The following NEDD9 variants were observed in gnomAD, a reference collection of about 807,000 sequenced individuals.
NEDD9 encodes the protein neural precursor cell expressed, developmentally down-regulated 9.
In NEDD9, 26 loss-of-function variants were observed where a neutral mutation model predicts 76.6. The ratio of observed to expected loss-of-function variants is 0.34; its 90% CI spans 0.25 to 0.47. NEDD9 has a LOEUF of 0.47. Ranked by LOEUF, NEDD9 falls within the 20% of genes least tolerant of loss-of-function variation. The probability of loss-of-function intolerance (pLI) is 1.00; values close to 1 mark genes in which losing one functional copy is unlikely to be tolerated. For synonymous variants in NEDD9, 392 were observed against 414.2 expected (o/e 0.95, Z 0.65); for missense variants, 937 against 1,058.5 (o/e 0.89, Z 1.59).
intron 2 of NEDD9, among the ~76,000 whole-genome samples, chr6:11,331,792 C>T (rs1762043011): frequency 6.6e-6 from 1 of 152,180 alleles, no homozygotes; most frequent in Non-Finnish European, 1.5e-5. Context: ...AATTAACTGA[C>T]ATTTGACATA....
intron 3 of NEDD9, among the ~76,000 whole-genome samples, chr6:11,242,769 A>C (rs960553434): frequency 2.0e-5 from 3 of 152,126 alleles, no homozygotes; most frequent in Non-Finnish European, 4.4e-5. Flanking sequence ...AAACAGATTC[A>C]CAGTTCCTTG....
At chr6:11,306,127 G>T in exon 3 of NEDD9, 2 of 1,118,002 alleles carry the variant, frequency 1.8e-6, no homozygotes, top group South Asian at 1.2e-5. Context: ...GCCAGTGTCT[G>T]ACATTACGGA....
At chr6:11,278,414 G>A (rs1482980957) in intron 3 of NEDD9, among the ~76,000 whole-genome samples, 4 of 152,094 alleles carry the variant, frequency 2.6e-5, no homozygotes, top group South Asian at 4.1e-4. Flanking sequence ...ATACTTGCTC[G>A]AGGCCACAGA....
chr6:11,293,761 T>C (rs1760827949), intron 3 of NEDD9, among the ~76,000 whole-genome samples: 1 of 152,178 alleles, frequency 6.6e-6, no homozygotes, highest in Admixed American at 6.5e-5. Flanking sequence ...TAACTGAAAA[T>C]GTGTACTCTT....
intron 3 of NEDD9, among the ~76,000 whole-genome samples, chr6:11,263,482 C>T (rs996209951): frequency 6.6e-6 from 1 of 151,912 alleles, no homozygotes; most frequent in South Asian, 2.1e-4. Context: ...CAGGAGTGAT[C>T]GTCTAGAATT....
At position 11,184,838 on chromosome 6, in the gene NEDD9, G is replaced by GT. The variant is rs376554983; in HGVS notation, c.*323dup. On this transcript the variant is annotated 3_prime_UTR_variant, in exon 7 of 7. Coordinates refer to ENST00000379446, the MANE Select transcript of NEDD9 (RefSeq NM_006403.4). ...TTACTAAGGTGCTTCGTAATTCATG[G>GT]TTTTTTTTTTAATGAAATGCATCAG... is the stretch of plus-strand genomic sequence containing the variant. 2,990 of 191,918 alleles carry GT rather than the reference G, an allele frequency of 0.016. No individual in the cohort carries two copies. Among genetic ancestry groups the GT allele is most frequent in the Middle Eastern group, 0.036 (16 of 444 alleles). The allele number at this position is 191,918 out of a possible 1,614,324, so 11.9% of individuals were successfully genotyped here.
At chr6:11,325,403 T>C (rs1761904151) in intron 2 of NEDD9, among the ~76,000 whole-genome samples, 1 of 151,566 alleles carries the variant, frequency 6.6e-6, no homozygotes, top group Non-Finnish European at 1.5e-5. Context: ...AATAAAAGCA[T>C]TGAATTAGTT....
chr6:11,208,648 G>T (rs954898110), intron 2 of NEDD9, among the ~76,000 whole-genome samples: 2 of 152,202 alleles, frequency 1.3e-5, no homozygotes, highest in Non-Finnish European at 2.9e-5. Flanking sequence ...TGGCCCCTGT[G>T]CTGATGGAGC....
At chr6:11,230,578 T>C (rs902049289) in intron 1 of NEDD9, among the ~76,000 whole-genome samples, 4 of 152,254 alleles carry the variant, frequency 2.6e-5, no homozygotes, top group African/African-American at 9.6e-5. Context: ...TTGTTCATTA[T>C]TAACTAGAGA....
chr6:11,201,038 C>T, intron 2 of NEDD9: 2 of 1,614,266 alleles, frequency 1.2e-6, no homozygotes, highest in South Asian at 1.1e-5. Flanking sequence ...GCCCATCTCT[C>T]TGGAACACCT....
At chr6:11,197,252 CT>C (rs34890588) in intron 2 of NEDD9, among the ~76,000 whole-genome samples, 12,371 of 144,480 alleles carry the variant, frequency 0.086, 837 homozygotes, top group African/African-American at 0.19. Flanking sequence ...CCTCTGTTTG[CT>C]TTTTTTTTTT....
At chr6:11,374,064 C>CTATA (rs1436104171) in intron 1 of NEDD9, among the ~76,000 whole-genome samples, 3 of 151,238 alleles carry the variant, frequency 2.0e-5, no homozygotes, top group African/African-American at 7.3e-5. Context: ...CTCTCTCTCT[C>CTATA]TCTATATATA....
intron 3 of NEDD9, among the ~76,000 whole-genome samples, chr6:11,284,075 C>G (rs977635274): frequency 6.6e-6 from 1 of 152,134 alleles, no homozygotes; most frequent in African/African-American, 2.4e-5. Flanking sequence ...TTCATACAAT[C>G]TCCTCCAGGG....
chr6:11,306,550 G>C (rs1761189952), intron 2 of NEDD9, among the ~76,000 whole-genome samples: 1 of 152,152 alleles, frequency 6.6e-6, no homozygotes, highest in African/African-American at 2.4e-5. Context: ...GATAGTAGAG[G>C]TGAGAGTGAA....
chr6:11,381,593 AAC>A (rs1330626872), intron 1 of NEDD9, among the ~76,000 whole-genome samples: 2 of 152,340 alleles, frequency 1.3e-5, no homozygotes, highest in East Asian at 3.9e-4. Flanking sequence ...GGACAGGGAG[AAC>A]ACAGTGTGCT....
At chr6:11,257,299 C>T (rs1214834775) in intron 3 of NEDD9, among the ~76,000 whole-genome samples, 1 of 152,218 alleles carries the variant, frequency 6.6e-6, no homozygotes, top group Non-Finnish European at 1.5e-5. Context: ...TCAGTTTTGA[C>T]AGCCAAAAAT....
chr6:11,272,859 C>T (rs894057016), intron 3 of NEDD9, among the ~76,000 whole-genome samples: 1 of 152,090 alleles, frequency 6.6e-6, no homozygotes, highest in Non-Finnish European at 1.5e-5. Context: ...CGTTGTTTAC[C>T]CATACAGATA....
chr6:11,276,250 G>C (rs1001996803), intron 3 of NEDD9, among the ~76,000 whole-genome samples: 7 of 152,194 alleles, frequency 4.6e-5, no homozygotes, highest in Non-Finnish European at 1.0e-4. Context: ...CTGTGTTACA[G>C]ATTTTTAAAT....
chr6:11,361,113 G>A (rs907345827), intron 1 of NEDD9, among the ~76,000 whole-genome samples: 1 of 152,166 alleles, frequency 6.6e-6, no homozygotes, highest in Non-Finnish European at 1.5e-5. Flanking sequence ...CCAGAAATAT[G>A]CAGCTTGTTC....
Sources: allele counts gnomAD v4.1 joint callset (sites outside exome capture counted in the v4.1 genomes callset), GRCh38; gene constraint gnomAD v4.1.1; transcripts MANE v1.5; gene names NCBI Gene and HGNC (gene_info 2026-07-23, HGNC 2026-07-21).